Variants in GPR21 observed in about 807,000 individuals in gnomAD.
GPR21 encodes the protein probable G protein-coupled receptor 21.
In GPR21, 9 loss-of-function variants were observed where a neutral mutation model predicts 21.5. That is an observed-to-expected ratio of 0.42 (90% confidence interval 0.25 to 0.73). The LOEUF (loss-of-function observed/expected upper bound fraction) is 0.73, where lower values mean the gene tolerates loss of function less well. GPR21 is among the 30% of genes least tolerant of loss of function. GPR21 has a pLI of 0.27. For missense variants in GPR21, 416 were observed against 428.9 expected, an observed-to-expected ratio of 0.97 and a Z score of 0.27; for synonymous variants, 169 against 159.3, an observed-to-expected ratio of 1.06 and a Z score of -0.46.
rs575159800 is a variant in GPR21, at chr9:123,034,706, T to A, written c.140T>A (p.Ile47Asn). The change falls in exon 2 of 2, where the codon ATC becomes AAC. Residue 47 changes from isoleucine (I) to asparagine (N), a missense_variant. By Grantham distance (149) the Ile-to-Asn change is moderately radical. Transcript: ENST00000616002. ...FLTVLIISGN[I>N]IVIFVFHCAP... ...ACTGTATTGATTATTTCTGGCAACA[T>A]CATTGTGATTTTTGTATTTCACTGT... 1 of 1,613,572 alleles carries A rather than the reference T, an allele frequency of 6.2e-7. No homozygotes were observed. Among genetic ancestry groups the A allele is most frequent in the East Asian group, 2.2e-5 (1 of 44,882 alleles).
the GPR21 span, among the ~76,000 whole-genome samples, chr9:123,044,564 A>G: frequency 4.6e-5 from 7 of 152,158 alleles, no homozygotes; most frequent in Non-Finnish European, 1.0e-4. Flanking sequence ...AAGAGAAGAC[A>G]GAAGGTGCTG....
At chr9:123,040,857 G>A in the GPR21 span, among the ~76,000 whole-genome samples, 1 of 152,152 alleles carries the variant, frequency 6.6e-6, no homozygotes, top group Non-Finnish European at 1.5e-5. Context: ...GGGAGAGGCA[G>A]ATGAGTTGGA....
chr9:123,039,082 A>G (rs1192144338), downstream of GPR21, among the ~76,000 whole-genome samples: 3 of 152,154 alleles, frequency 2.0e-5, no homozygotes, highest in East Asian at 5.8e-4. Flanking sequence ...TGCAAATAAA[A>G]ATCATTACTG....
chr9:123,037,660 C>T (rs1309834993), downstream of GPR21, among the ~76,000 whole-genome samples: 1 of 152,096 alleles, frequency 6.6e-6, no homozygotes, highest in Non-Finnish European at 1.5e-5. Flanking sequence ...GAAAATATGG[C>T]AATTTTAAAC....
downstream of GPR21, among the ~76,000 whole-genome samples, chr9:123,037,604 A>G (rs539011603): frequency 1.3e-5 from 2 of 152,352 alleles, no homozygotes; most frequent in South Asian, 4.1e-4. Context: ...ATGTTAGAGA[A>G]TGTAACCTGT....
the GPR21 span, among the ~76,000 whole-genome samples, chr9:123,043,529 A>G: frequency 6.6e-6 from 1 of 152,030 alleles, no homozygotes; most frequent in Non-Finnish European, 1.5e-5. Flanking sequence ...AGGAAATAAG[A>G]TCATGACATA....
the GPR21 span, among the ~76,000 whole-genome samples, chr9:123,046,460 T>C: frequency 6.6e-6 from 1 of 152,238 alleles, no homozygotes; most frequent in Non-Finnish European, 1.5e-5. Flanking sequence ...GCCAAAAGTA[T>C]GTGCTTGAGA....
At chr9:123,044,626 CGTGTGTGTGTGTGTGTGT>C in the GPR21 span, among the ~76,000 whole-genome samples, 2 of 149,088 alleles carry the variant, frequency 1.3e-5, no homozygotes, top group African/African-American at 4.9e-5. Flanking sequence ...AACACACGTA[CGTGTGTGTGTGTGTGTGT>C]GTGTGTGTGT....
the GPR21 span, among the ~76,000 whole-genome samples, chr9:123,041,843 A>G: frequency 6.6e-6 from 1 of 152,230 alleles, no homozygotes; most frequent in Non-Finnish European, 1.5e-5. Flanking sequence ...ACTAAAAAAC[A>G]AGAATTGATA....
At chr9:123,045,393 C>T in the GPR21 span, among the ~76,000 whole-genome samples, 290 of 152,196 alleles carry the variant, frequency 1.9e-3, no homozygotes, top group African/African-American at 6.2e-3. Context: ...AGCCTTTTTT[C>T]ATTTATAAAA....
chr9:123,044,659 G>T, the GPR21 span, among the ~76,000 whole-genome samples: 1 of 151,938 alleles, frequency 6.6e-6, no homozygotes, highest in Non-Finnish European at 1.5e-5. Context: ...GTGTGTATGT[G>T]TATGTATATG....
At chr9:123,048,164 C>T in the GPR21 span, among the ~76,000 whole-genome samples, 1 of 151,990 alleles carries the variant, frequency 6.6e-6, no homozygotes, top group African/African-American at 2.4e-5. Flanking sequence ...GTCTCGAACT[C>T]CTGACCTCAG....
chr9:123,039,383 T>C (rs1275755426), downstream of GPR21, among the ~76,000 whole-genome samples: 1 of 152,176 alleles, frequency 6.6e-6, no homozygotes, highest in Non-Finnish European at 1.5e-5. Context: ...CAATCTGACC[T>C]AGGACCTGGC....
Position 123,034,777 on chromosome 9 carries a change from A to G in GPR21, c.211A>G (p.Met71Val), listed in dbSNP as rs777827069. The G allele has an allele frequency of 1.6e-5, 26 of 1,613,568 alleles. No homozygotes were observed. Among genetic ancestry groups the G allele is most frequent in the South Asian group, 1.4e-4 (13 of 91,074 alleles). The change falls in exon 2 of 2, where the codon ATG becomes GTG. Residue 71 changes from methionine (M) to valine (V), a missense_variant. Coordinates refer to ENST00000616002, the MANE Select transcript of GPR21 (RefSeq NM_005294.3). ...HHTTSYFIQT[M>V]AYADLFVGVS... ...CACTACAAGTTATTTTATCCAGACT[A>G]TGGCATATGCTGACCTTTTTGTTGG...
chr9:123,039,189 C>G (rs181578102), downstream of GPR21, among the ~76,000 whole-genome samples: 1 of 152,272 alleles, frequency 6.6e-6, no homozygotes, highest in East Asian at 1.9e-4. Context: ...TACACCACTA[C>G]TCTGTGCTAC....
the GPR21 span, among the ~76,000 whole-genome samples, chr9:123,042,487 A>C: frequency 6.6e-6 from 1 of 152,246 alleles, no homozygotes; most frequent in African/African-American, 2.4e-5. Context: ...TAACATTCTC[A>C]GAGAAGATTT....
chr9:123,035,271 G>C lies in GPR21; in HGVS notation c.705G>C (p.Gln235His), dbSNP rs1193154362. ...ISERQARFSS[Q>H]SGETGEVQAC... The stretch of plus-strand genomic sequence containing the variant: ...AAAGGCAAGCCCGCTTCAGCAGCCA[G>C]AGTGGGGAGACTGGGGAAGTGCAGG... Residue 235 changes from glutamine (Q) to histidine (H), a missense_variant, in exon 2 of 2, where the codon CAG becomes CAC. Gln to His is a conservative substitution (Grantham distance 24). Coordinates refer to ENST00000616002, the MANE Select transcript of GPR21 (RefSeq NM_005294.3). The C allele has an allele frequency of 1.2e-6, 2 of 1,614,076 alleles. No individual in the cohort carries two copies. Among genetic ancestry groups the C allele is most frequent in the Non-Finnish European group, 1.7e-6 (2 of 1,180,038 alleles).
Position 123,034,977 on chromosome 9 carries a change from T to C in GPR21, c.411T>C (p.Tyr137=). 1 of 1,613,768 alleles carries C rather than the reference T, an allele frequency of 6.2e-7. No individual in the cohort carries two copies. Among genetic ancestry groups the C allele is most frequent in the South Asian group, 1.1e-5 (1 of 91,076 alleles). ...TTGCCATTACTAAACCTTTAACCTA[T>C]AATACTCTGGTTACACCCTGGAGAC... ...RYIAITKPLT[Y]NTLVTPWRLR... The change falls in exon 2 of 2, where the codon TAT becomes TAC. Residue 137 remains tyrosine (Y), a synonymous_variant. Coordinates refer to ENST00000616002, the MANE Select transcript of GPR21 (RefSeq NM_005294.3).
rs2032523648 is a variant in GPR21, at chr9:123,034,782, A to G, written c.216A>G (p.Ala72=). The change falls in exon 2 of 2, where the codon GCA becomes GCG. Residue 72 remains alanine (A), a synonymous_variant. Coordinates refer to ENST00000616002, the MANE Select transcript of GPR21 (RefSeq NM_005294.3). ...HTTSYFIQTM[A]YADLFVGVSC... is the part of the protein sequence containing the mutation. Reference sequence around the variant, plus strand: ...CAAGTTATTTTATCCAGACTATGGCATATGCTGACCTTTTTGTTGGGGTGA... The same window carrying G: ...CAAGTTATTTTATCCAGACTATGGCGTATGCTGACCTTTTTGTTGGGGTGA... The G allele has an allele frequency of 1.2e-6, 2 of 1,613,818 alleles. No individual in the cohort carries two copies. The highest frequency in any genetic ancestry group is 1.7e-5 in the Admixed American group (1 of 60,006).
Sources: gnomAD v4.1 joint callset for allele counts (sites outside exome capture counted in the v4.1 genomes callset) on GRCh38, gnomAD v4.1.1 for gene constraint, MANE v1.5 for transcripts, NCBI Gene and HGNC (gene_info 2026-07-23, HGNC 2026-07-21) for gene names.